Variants in MINPP1 observed in about 807,000 individuals in gnomAD.
MINPP1 encodes the protein multiple inositol-polyphosphate phosphatase 1.
MINPP1 carries 28 observed loss-of-function variants against 46.1 expected under a neutral mutation model. The ratio of observed to expected loss-of-function variants is 0.61; its 90% CI spans 0.45 to 0.83. MINPP1 has a LOEUF of 0.83. MINPP1 is among the 40% of genes least tolerant of loss of function. The pLI is 0.00. For missense variants in MINPP1, 603 were observed against 610.0 expected, an observed-to-expected ratio of 0.99 and a Z score of 0.12; for synonymous variants, 268 against 249.1, an observed-to-expected ratio of 1.08 and a Z score of -0.72.
intron 4 of MINPP1, among the ~76,000 whole-genome samples, chr10:87,550,874 C>T (rs966622898): frequency 2.0e-5 from 3 of 152,024 alleles, no homozygotes; most frequent in South Asian, 2.1e-4. Flanking sequence ...TCTCTAGCCC[C>T]GGGCCTCACT....
chr10:87,523,974 A>G (rs1041566003), intron 4 of MINPP1, among the ~76,000 whole-genome samples: 8 of 152,236 alleles, frequency 5.3e-5, no homozygotes, highest in African/African-American at 1.9e-4. Flanking sequence ...GAATAGATTT[A>G]GCATAATTCT....
intron 4 of MINPP1, among the ~76,000 whole-genome samples, chr10:87,547,012 C>CA (rs1371677286): frequency 6.6e-6 from 1 of 152,160 alleles, no homozygotes; most frequent in African/African-American, 2.4e-5. Flanking sequence ...TTGCATGTTG[C>CA]TGAAGAGTGT....
chr10:87,539,652 T>TA (rs1204424653), intron 4 of MINPP1, among the ~76,000 whole-genome samples: 1 of 152,218 alleles, frequency 6.6e-6, no homozygotes. Context: ...CATTGTAATA[T>TA]ATAGCACGGG....
rs145426622 is a variant in MINPP1 at position 87,532,885 on chromosome 10, C to G, written c.1067+11716C>G. Among the ~76,000 whole-genome samples the G allele has an allele frequency of 3.1e-3, 470 of 152,034 alleles. 1 individual carries two copies. Among genetic ancestry groups the G allele is most frequent in the African/African-American group, 0.011 (442 of 41,514 alleles). The stretch of plus-strand genomic sequence containing the variant: ...AGTTCCTACTTACTGCTTTTCTCCA[C>G]ACATTGACAGTCAGGCACCAGTGTG... On this transcript the variant is annotated intron_variant, in intron 4 of 4. Coordinates refer to ENST00000371996, the MANE Select transcript of MINPP1 (RefSeq NM_004897.5).
intron 4 of MINPP1, among the ~76,000 whole-genome samples, chr10:87,526,107 T>A (rs976826162): frequency 6.6e-6 from 1 of 152,214 alleles, no homozygotes; most frequent in Non-Finnish European, 1.5e-5. Flanking sequence ...TATTTCTAGT[T>A]CTAGATCCTT....
At chr10:87,521,279 A>C (rs1459969704) in intron 4 of MINPP1, 110 bp downstream of exon 4, 2 of 819,574 alleles carry the variant, frequency 2.4e-6, no homozygotes, top group Non-Finnish European at 4.0e-6. Context: ...TGTTTTAAAA[A>C]AATTTTAATA....
intron 4 of MINPP1, among the ~76,000 whole-genome samples, chr10:87,546,282 G>A (rs942547194): frequency 2.6e-5 from 4 of 152,142 alleles, no homozygotes; most frequent in Admixed American, 2.6e-4. Context: ...AGGAGTTGCC[G>A]TGGCATCTGT....
At chr10:87,533,535 TATCTGTTAATA>T (rs1851689327) in intron 4 of MINPP1, among the ~76,000 whole-genome samples, 1 of 152,202 alleles carries the variant, frequency 6.6e-6, no homozygotes, top group African/African-American at 2.4e-5. Flanking sequence ...CTTCCCCATA[TATCTGTTAATA>T]TAATCTTTTT....
intron 4 of MINPP1, among the ~76,000 whole-genome samples, chr10:87,527,468 T>G (rs1475467087): frequency 6.6e-6 from 1 of 152,134 alleles, no homozygotes; most frequent in Non-Finnish European, 1.5e-5. Context: ...TTATTGAGAG[T>G]TTTTAGCATG....
At chr10:87,524,447 G>A (rs574728691) in intron 4 of MINPP1, among the ~76,000 whole-genome samples, 21 of 152,290 alleles carry the variant, frequency 1.4e-4, no homozygotes, top group African/African-American at 5.1e-4. Context: ...CTTCCTATCA[G>A]CAATAACATT....
intron 4 of MINPP1, among the ~76,000 whole-genome samples, chr10:87,533,986 T>G (rs1213910756): frequency 6.6e-6 from 1 of 151,916 alleles, no homozygotes; most frequent in Non-Finnish European, 1.5e-5. Context: ...GCCAGGGGTA[T>G]CAGGAATCTT....
chr10:87,538,108 ATT>A (rs35833684), intron 4 of MINPP1, among the ~76,000 whole-genome samples: 7 of 142,852 alleles, frequency 4.9e-5, no homozygotes, highest in Admixed American at 7.0e-5. Context: ...AGCTCTGCTA[ATT>A]TTTTTTTTTT....
chr10:87,537,127 G>C (rs972159436), intron 4 of MINPP1, among the ~76,000 whole-genome samples: 11 of 151,910 alleles, frequency 7.2e-5, no homozygotes, highest in Admixed American at 7.2e-4. Flanking sequence ...AGTAGAGATG[G>C]GGTTTCATCA....
In MINPP1 at chr10:87,508,138, G is replaced by A. The variant is rs1215719056; in HGVS notation, c.638-198G>A. The A allele has an allele frequency of 3.3e-6, 5 of 1,531,274 alleles. No individual in the cohort carries two copies. In the African/African-American group the frequency reaches 6.9e-5, roughly 21 times the overall value. 94.9% of individuals were successfully genotyped at this position (1,531,274 alleles called of 1,614,324 possible). A position where few individuals can be genotyped will look rare whatever the true frequency, so the allele number is the denominator to read the frequency against. On this transcript the variant is annotated intron_variant, in intron 1 of 4. Coordinates refer to ENST00000371996, the MANE Select transcript of MINPP1 (RefSeq NM_004897.5). ...ATCTCTATTTCTTTAGCCTTTTCTA[G>A]CTATTCTCATGCGTTACAGCCATTA...
intron 4 of MINPP1, among the ~76,000 whole-genome samples, chr10:87,546,067 A>C (rs933813391): frequency 5.9e-5 from 9 of 152,222 alleles, no homozygotes; most frequent in African/African-American, 2.2e-4. Context: ...ATTAAAAAGT[A>C]AAGGAATAAA....
intron 4 of MINPP1, chr10:87,546,784 G>A (rs1851893079): frequency 1.3e-5 from 2 of 152,142 alleles, no homozygotes; most frequent in African/African-American, 2.4e-5. Flanking sequence ...TTTAAAATGA[G>A]TTGGGCATGG....
intron 4 of MINPP1, among the ~76,000 whole-genome samples, chr10:87,530,895 A>G (rs1011865616): frequency 3.9e-5 from 6 of 152,156 alleles, no homozygotes; most frequent in African/African-American, 1.4e-4. Context: ...CCCAAGCCTC[A>G]GCAATGGTGG....
chr10:87,548,012 C>T (rs908584211), intron 4 of MINPP1, among the ~76,000 whole-genome samples: 1 of 152,210 alleles, frequency 6.6e-6, no homozygotes, highest in African/African-American at 2.4e-5. Context: ...CTAAAATTTG[C>T]TCATAACCAA....
In MINPP1 at chr10:87,505,725, C is replaced by T. The variant is rs1851237786; in HGVS notation, c.637+173C>T. ...CTGTCGAGGGATATTACAGACTTGG[C>T]TATCTCTTTTTCCCCTTACACGTAT... On this transcript the variant is annotated intron_variant, in intron 1 of 4. Transcript: ENST00000371996. The surrounding 1 kb of genome is among the most constrained non-coding windows in gnomAD (Gnocchi z 4.4). 6.6e-6 allele frequency among the ~76,000 whole-genome samples: 1 copy of T among 152,186 alleles called. No individual in the cohort carries two copies. The highest frequency in any genetic ancestry group is 1.5e-5 in the Non-Finnish European group (1 of 68,030).
Sources: gnomAD v4.1 joint callset for allele counts (sites outside exome capture counted in the v4.1 genomes callset) on GRCh38, gnomAD v4.1.1 for gene constraint, Gnocchi (gnomAD v3.1) non-coding constraint, MANE v1.5 for transcripts, NCBI Gene and HGNC (gene_info 2026-07-23, HGNC 2026-07-21) for gene names.